Variants in TESC observed in about 807,000 individuals in gnomAD.
TESC encodes the protein calcineurin B homologous protein 3.
TESC carries 19 observed loss-of-function variants against 31.0 expected under a neutral mutation model. The ratio of observed to expected loss-of-function variants is 0.61; its 90% CI spans 0.43 to 0.90. The LOEUF (loss-of-function observed/expected upper bound fraction) is 0.90, where lower values mean the gene tolerates loss of function less well. Ranked by LOEUF, TESC falls within the 40% of genes least tolerant of loss-of-function variation. The pLI, the probability that TESC is intolerant of heterozygous loss-of-function variation, is 0.00. For missense variants in TESC, 248 were observed against 303.8 expected (o/e 0.82, Z 1.36); for synonymous variants, 109 against 114.8 (o/e 0.95, Z 0.32).
intron 7 of TESC, among the ~76,000 whole-genome samples, chr12:117,039,738 T>A (rs1401513653): frequency 6.6e-6 from 1 of 152,208 alleles, no homozygotes; most frequent in Non-Finnish European, 1.5e-5. Flanking sequence ...CTCCCTGGGA[T>A]AAGGGATCAC....
chr12:117,059,246 C>A (rs991851228), intron 2 of TESC, among the ~76,000 whole-genome samples: 1 of 152,214 alleles, frequency 6.6e-6, no homozygotes, highest in Non-Finnish European at 1.5e-5. Context: ...GGCCCCTGTG[C>A]TGCCCTGCCT....
rs111277418 is a variant in TESC at position 117,094,670 on chromosome 12, G to C, written c.58+4555C>G. ...GATGGAGAGATGGCTTTCTGGATGG[G>C]AGCAGCAGGTAAGCCAACCCCTGAA... On this transcript the variant is annotated intron_variant, in intron 1 of 7. Coordinates refer to ENST00000335209, the MANE Select transcript of TESC (RefSeq NM_017899.4). 5.9e-3 allele frequency among the ~76,000 whole-genome samples: 900 copies of C among 152,214 alleles called. 9 individuals carry two copies. The highest frequency in any genetic ancestry group is 0.02 in the African/African-American group (829 of 41,536).
intron 3 of TESC, among the ~76,000 whole-genome samples, chr12:117,050,096 C>T (rs1954625618): frequency 6.6e-6 from 1 of 151,074 alleles, no homozygotes; most frequent in African/African-American, 2.4e-5. Flanking sequence ...AGCCATGTGC[C>T]TGGCCGGTTT....
chr12:117,049,381 G>T (rs1166385510), intron 3 of TESC, among the ~76,000 whole-genome samples: 1 of 152,234 alleles, frequency 6.6e-6, no homozygotes, highest in African/African-American at 2.4e-5. Flanking sequence ...CTCATCATCA[G>T]GGAGGTGGAA....
intron 1 of TESC, 89 bp downstream of exon 1, chr12:117,099,136 C>A: frequency 7.3e-7 from 1 of 1,374,250 alleles, no homozygotes; most frequent in South Asian, 1.5e-5. Flanking sequence ...GGCCCAAGGT[C>A]ACACAGCGCG....
chr12:117,045,424 G>A (rs907662182), intron 6 of TESC, among the ~76,000 whole-genome samples: 1 of 152,280 alleles, frequency 6.6e-6, no homozygotes, highest in Admixed American at 6.5e-5. Flanking sequence ...CAAGGAGAGT[G>A]TAATTAAATC....
At position 117,049,076 on chromosome 12, in the gene TESC, T is replaced by C. The variant is rs772952061; in HGVS notation, c.292A>G (p.Ile98Val). The C allele has an allele frequency of 3.0e-5, 48 of 1,614,108 alleles. No individual in the cohort carries two copies. The highest frequency in any genetic ancestry group is 4.0e-5 in the Non-Finnish European group (47 of 1,180,050). ...FLTIMSYFRP[I>V]DTTMDEEQVE... The stretch of plus-strand genomic sequence containing the variant: ...TGTTCCTCGTCCATGGTGGTGTCGA[T>C]GGGCCGGAAGTAGGACATGATGGTC... The change falls in exon 4 of 8, where the codon ATC becomes GTC. Residue 98 changes from isoleucine (I) to valine (V), a missense_variant. Ile to Val is a conservative substitution (Grantham distance 29). Coordinates refer to ENST00000335209, the MANE Select transcript of TESC (RefSeq NM_017899.4).
chr12:117,069,490 C>T (rs1954935297), intron 2 of TESC, among the ~76,000 whole-genome samples: 1 of 152,178 alleles, frequency 6.6e-6, no homozygotes, highest in African/African-American at 2.4e-5. Context: ...CCGCCAGCCT[C>T]AGCCTCTCAA....
chr12:117,091,067 C>T (rs1955299726), intron 1 of TESC, among the ~76,000 whole-genome samples: 1 of 152,230 alleles, frequency 6.6e-6, no homozygotes. Flanking sequence ...CTGCAAAGGT[C>T]ACACTGCTGG....
intron 1 of TESC, among the ~76,000 whole-genome samples, chr12:117,078,989 C>T (rs188185610): frequency 6.6e-6 from 1 of 152,234 alleles, no homozygotes; most frequent in Admixed American, 6.5e-5. Context: ...TAGTTCCTTC[C>T]ATGACCCTAT....
chr12:117,052,129 CAG>C (rs1267317857), intron 3 of TESC, among the ~76,000 whole-genome samples: 3 of 152,102 alleles, frequency 2.0e-5, no homozygotes, highest in Admixed American at 2.0e-4. Context: ...GGACAGAAAA[CAG>C]GGGCTACATC....
chr12:117,074,376 T>TA (rs1428027861), intron 2 of TESC, among the ~76,000 whole-genome samples: 1 of 151,882 alleles, frequency 6.6e-6, no homozygotes, highest in Non-Finnish European at 1.5e-5. Context: ...TCAAAAAAAT[T>TA]AAAAATACCC....
intron 1 of TESC, among the ~76,000 whole-genome samples, chr12:117,095,178 G>A (rs562602288): frequency 1.3e-5 from 2 of 152,034 alleles, no homozygotes; most frequent in African/African-American, 4.8e-5. Context: ...AGGTTCAAGC[G>A]ATTCTCCGAC....
Position 117,099,402 on chromosome 12 carries a change from G to A in TESC, c.-120C>T. On this transcript the variant is annotated 5_prime_UTR_variant, in exon 1 of 8. Transcript: ENST00000335209. ...CGGGTCGGGACGCCGGCGAAGGCTC[G>A]GAGCCGCGGGTTCCGCGTGGGGCCG... is the stretch of plus-strand genomic sequence containing the variant. 4 of 1,022,644 alleles carry A rather than the reference G, an allele frequency of 3.9e-6. No individual in the cohort carries two copies. Among genetic ancestry groups the A allele is most frequent in the Non-Finnish European group, 5.1e-6 (4 of 789,328 alleles). The allele number at this position is 1,022,644 out of a possible 1,614,324, so 63.3% of individuals were successfully genotyped here.
At chr12:117,091,639 G>C (rs949967039) in intron 1 of TESC, among the ~76,000 whole-genome samples, 4 of 152,158 alleles carry the variant, frequency 2.6e-5, no homozygotes, top group African/African-American at 9.7e-5. Context: ...CACCCAGTGA[G>C]ACCCTAGGAA....
chr12:117,075,897 A>ATATATATATATATATGTGTGTG (rs1555232356), intron 1 of TESC, among the ~76,000 whole-genome samples: 4 of 66,396 alleles, frequency 6.0e-5, no homozygotes, highest in Non-Finnish European at 8.7e-5. Context: ...ATATATATAT[A>ATATATATATATATATGTGTGTG]TATATATATA....
intron 1 of TESC, among the ~76,000 whole-genome samples, chr12:117,083,080 T>G (rs1955170390): frequency 7.7e-6 from 1 of 129,978 alleles, no homozygotes; most frequent in African/African-American, 3.4e-5. Context: ...GCAATTCTAC[T>G]CCAAAACAAT....
Position 117,083,350 on chromosome 12 carries a change from A to T in TESC, c.59-8010T>A, listed in dbSNP as rs12320949. On this transcript the variant is annotated intron_variant, in intron 1 of 7. Transcript: ENST00000335209. ...CACCTTGGCCTCGCAAAGTGCTGGAATTACAGGCGTGAGCCACTGCGCCCA... is the reference window on the plus strand; with the variant it reads ...CACCTTGGCCTCGCAAAGTGCTGGATTTACAGGCGTGAGCCACTGCGCCCA... Among the ~76,000 whole-genome samples the T allele has an allele frequency of 6.2e-3, 944 of 152,316 alleles. 10 individuals carry two copies. The highest frequency in any genetic ancestry group is 0.021 in the African/African-American group (881 of 41,576).
chr12:117,095,169 GGTTCAAGCGA>G (rs1382050066), intron 1 of TESC, among the ~76,000 whole-genome samples: 3 of 152,020 alleles, frequency 2.0e-5, no homozygotes, highest in Non-Finnish European at 4.4e-5. Flanking sequence ...CCGCCACCCA[GGTTCAAGCGA>G]TTCTCCGACC....
Sources: allele counts gnomAD v4.1 joint callset (sites outside exome capture counted in the v4.1 genomes callset), GRCh38; gene constraint gnomAD v4.1.1; transcripts MANE v1.5; gene names NCBI Gene and HGNC (gene_info 2026-07-23, HGNC 2026-07-21).